The following COL11A2 variants were observed in gnomAD, a reference collection of about 807,000 sequenced individuals.
COL11A2 encodes the protein collagen alpha-2(XI) chain.
In COL11A2, 116 loss-of-function variants were observed where a neutral mutation model predicts 273.4. The ratio of observed to expected loss-of-function variants is 0.42; its 90% confidence interval spans 0.36 to 0.49. The LOEUF (loss-of-function observed/expected upper bound fraction) is 0.49. Among genes scored for constraint, COL11A2 ranks in the 20% least tolerant of loss-of-function variants. The pLI, the probability that COL11A2 is intolerant of heterozygous loss-of-function variation, is 0.00. For missense variants in COL11A2, 1,866 were observed against 2,309.0 expected, an observed-to-expected ratio of 0.81 and a Z score of 3.93; for synonymous variants, 782 against 864.2, an observed-to-expected ratio of 0.90 and a Z score of 1.67.
rs2744512 is a variant in COL11A2 at position 33,174,143 on chromosome 6, G to A, written c.2484+22C>T. ...ACCTCTCCAGCCCTTCCCTTCTCAC[G>A]CCCTCCCACCCCCCAGCTTACCCGG... On this transcript the variant is annotated intron_variant, in intron 32 of 65. Transcript: ENST00000341947. 2 of 1,598,164 alleles carry A rather than the reference G, an allele frequency of 1.3e-6. No homozygotes were observed. The highest frequency in any genetic ancestry group is 8.5e-7 in the Non-Finnish European group (1 of 1,172,562).
rs754766796 is a variant in COL11A2, at chr6:33,192,199, T to TAGG, written c.39_41dup (p.Leu14dup). On this transcript the variant is annotated inframe_insertion, in exon 1 of 66. Transcript: ENST00000341947. Reference sequence around the variant, plus strand: ...CCGCGCTCAGCCCCAGCACCAGAGGTAGGAGGAGGAGGAGGCGATGGCAGC... The same window carrying TAGG: ...CCGCGCTCAGCCCCAGCACCAGAGGTAGGAGGAGGAGGAGGAGGCGATGGCAGC... 1.3e-6 allele frequency: 2 copies of TAGG among 1,565,824 alleles called. No individual in the cohort carries two copies. Among genetic ancestry groups the TAGG allele is most frequent in the Non-Finnish European group, 1.7e-6 (2 of 1,155,408 alleles).
rs756974121 is a variant in COL11A2 at position 33,177,506 on chromosome 6, G to A, written c.1918-41C>T. ...CAGGCACAGGTCAGAAGGAGATGGA[G>A]ATAGAACACATTTAGAGCATGGAGC... On this transcript the variant is annotated intron_variant, in intron 22 of 65. Transcript: ENST00000341947. The surrounding 1 kb of genome is among the most constrained non-coding windows in gnomAD (Gnocchi z 5.9). The A allele has an allele frequency of 4.4e-6, 7 of 1,607,254 alleles. No homozygotes were observed. Among genetic ancestry groups the A allele is most frequent in the African/African-American group, 1.3e-5 (1 of 74,948 alleles).
At chr6:33,186,596 C>T in intron 5 of COL11A2, 31 bp downstream of exon 5, 2 of 1,614,114 alleles carry the variant, frequency 1.2e-6, no homozygotes, top group South Asian at 1.1e-5. Context: ...CTGGGGTGTG[C>T]TGCACTTGGG....
chr6:33,180,389 T>A, intron 11 of COL11A2, 57 bp from the exon 12 acceptor site: 1 of 1,422,982 alleles, frequency 7.0e-7, no homozygotes. Flanking sequence ...CATCAAGATC[T>A]TAGCATGATT....
At position 33,169,768 on chromosome 6, in the gene COL11A2, G is replaced by A; in HGVS notation, c.3690+63C>T. ...CCAGCTCAAGGAGGTCACAGGAAAA[G>A]TGGAGGCAGGGTTGAGGCGGGTGAC... On this transcript the variant is annotated intron_variant, in intron 50 of 65. Coordinates refer to ENST00000341947, the MANE Select transcript of COL11A2 (RefSeq NM_080680.3). The surrounding 1 kb of genome is among the most constrained non-coding windows in gnomAD (Gnocchi z 5.5). 6.3e-7 allele frequency: 1 copy of A among 1,599,542 alleles called. No homozygotes were observed. The highest frequency in any genetic ancestry group is 2.2e-5 in the East Asian group (1 of 44,810).
intron 30 of COL11A2, 45 bp from the exon 31 acceptor site, chr6:33,174,625 T>C (rs1770647423): frequency 6.3e-7 from 1 of 1,593,740 alleles, no homozygotes; most frequent in East Asian, 2.2e-5. Context: ...GAGGCCCAGA[T>C]GCCACTCCAC....
In COL11A2 at chr6:33,167,648, C is replaced by T. The variant is rs1769363283; in HGVS notation, c.4015-115G>A. 1.4e-6 allele frequency: 2 copies of T among 1,457,490 alleles called. No individual in the cohort carries two copies. Among genetic ancestry groups the T allele is most frequent in the East Asian group, 2.4e-5 (1 of 42,340 alleles). The allele number at this position is 1,457,490 out of a possible 1,614,324, so 90.3% of individuals were successfully genotyped here. ...GGGAGGAAGGGCCAAACTCTAGGAGCCCCTAGCGCAGGAACAAGTACAGGG... is the reference window on the plus strand; with the variant it reads ...GGGAGGAAGGGCCAAACTCTAGGAGTCCCTAGCGCAGGAACAAGTACAGGG... On this transcript the variant is annotated intron_variant, in intron 55 of 65. Coordinates refer to ENST00000341947, the MANE Select transcript of COL11A2 (RefSeq NM_080680.3). This position sits in a 1 kb window ranked among gnomAD's most constrained non-coding sequence, Gnocchi z 6.1.
chr6:33,173,917 C>G lies in COL11A2; in HGVS notation c.2539G>C (p.Gly847Arg). The change falls in exon 34 of 66, where the codon GGT (glycine) becomes CGT (arginine). Residue 847 changes from glycine (G) to arginine (R), a missense_variant. Physicochemically the swap from Gly to Arg is moderately radical, Grantham distance 125. Transcript: ENST00000341947. The surrounding 1 kb of genome is among the most constrained non-coding windows in gnomAD (Gnocchi z 6.3). ...RGERGPTGPR[G>R]QRGPRGATGK... ...GTGGCACCTCGGGGTCCCCGCTGAC[C>G]CCGTGGACCCTACAGAGGGAAGAGG... 6.2e-7 allele frequency: 1 copy of G among 1,614,074 alleles called. No individual in the cohort carries two copies. Among genetic ancestry groups the G allele is most frequent in the East Asian group, 2.2e-5 (1 of 44,870 alleles).
At position 33,173,175 on chromosome 6, in the gene COL11A2, C is replaced by T; in HGVS notation, c.2737-62G>A. Reference sequence around the variant, plus strand: ...GTGTGGGCGCTGTGGGGCAGATTCCCAGGAGGAAGGATCCCAGGCAGGATC... The same window carrying T: ...GTGTGGGCGCTGTGGGGCAGATTCCTAGGAGGAAGGATCCCAGGCAGGATC... On this transcript the variant is annotated intron_variant, in intron 37 of 65. Transcript: ENST00000341947. This position sits in a 1 kb window ranked among gnomAD's most constrained non-coding sequence, Gnocchi z 6.3. 2 of 1,573,246 alleles carry T rather than the reference C, an allele frequency of 1.3e-6. No homozygotes were observed. Among genetic ancestry groups the T allele is most frequent in the Non-Finnish European group, 1.7e-6 (2 of 1,155,222 alleles).
rs765142445 is a variant in COL11A2 at position 33,169,876 on chromosome 6, T to C, written c.3645A>G (p.Pro1215=). 1.2e-6 allele frequency: 2 copies of C among 1,614,144 alleles called. No homozygotes were observed. Among genetic ancestry groups the C allele is most frequent in the East Asian group, 4.5e-5 (2 of 44,876 alleles). ...GGATCCCTGGAGATCCTGACTCTCC[T>C]GGTTCCCCCTGCAAAGAGATTAGAG... is the stretch of plus-strand genomic sequence containing the variant. ...NLGPPGEKGE[P]GESGSPGIQG... Residue 1215 remains proline, a synonymous_variant, in exon 50 of 66, where the codon CCA becomes CCG. Transcript: ENST00000341947. The surrounding 1 kb of genome is among the most constrained non-coding windows in gnomAD (Gnocchi z 5.5).
At position 33,166,673 on chromosome 6, in the gene COL11A2, C is replaced by A. The variant is rs1363175618; in HGVS notation, c.4338+47G>T. On this transcript the variant is annotated intron_variant, in intron 59 of 65. Coordinates refer to ENST00000341947, the MANE Select transcript of COL11A2 (RefSeq NM_080680.3). This position sits in a 1 kb window ranked among gnomAD's most constrained non-coding sequence, Gnocchi z 4.8. ...CCAACTCCAACTCCACCCCTCTCCA[C>A]CCCACTCTCAACCCCCACAACTTCC... 6.2e-7 allele frequency: 1 copy of A among 1,611,954 alleles called. No individual in the cohort carries two copies. Among genetic ancestry groups the A allele is most frequent in the Admixed American group, 1.7e-5 (1 of 60,004 alleles).
In COL11A2 at chr6:33,166,143, A is replaced by C; in HGVS notation, c.4428+28T>G. On this transcript the variant is annotated intron_variant, in intron 61 of 65. Transcript: ENST00000341947. The surrounding 1 kb of genome is among the most constrained non-coding windows in gnomAD (Gnocchi z 4.8). ...CATCAAGTCCAGAGGGGGTGGAGCA[A>C]AGGTCAGAGCTGAAGGGGGTCACTC... is the stretch of plus-strand genomic sequence containing the variant. 1 of 1,608,316 alleles carries C rather than the reference A, an allele frequency of 6.2e-7. No homozygotes were observed. Among genetic ancestry groups the C allele is most frequent in the Non-Finnish European group, 8.5e-7 (1 of 1,177,684 alleles).
rs943283659 is a variant in COL11A2, at chr6:33,163,583, T to C, written c.*95A>G. Reference sequence around the variant, plus strand: ...ACGCCCTGGCCCAGGGCTCCCTAGATAGTGAGGAGCCCTCTTGGGAGGTGG... The same window carrying C: ...ACGCCCTGGCCCAGGGCTCCCTAGACAGTGAGGAGCCCTCTTGGGAGGTGG... On this transcript the variant is annotated 3_prime_UTR_variant, in exon 66 of 66. Coordinates refer to ENST00000341947, the MANE Select transcript of COL11A2 (RefSeq NM_080680.3). The surrounding 1 kb of genome is among the most constrained non-coding windows in gnomAD (Gnocchi z 4.1). 32 of 1,576,026 alleles carry C rather than the reference T, an allele frequency of 2.0e-5. No individual in the cohort carries two copies. Among genetic ancestry groups the C allele is most frequent in the African/African-American group, 2.7e-5 (2 of 74,140 alleles).
Position 33,179,786 on chromosome 6 carries a change from C to T in COL11A2, c.1379G>A (p.Gly460Glu). 6.2e-7 allele frequency: 1 copy of T among 1,611,682 alleles called. No homozygotes were observed. The highest frequency in any genetic ancestry group is 8.5e-7 in the Non-Finnish European group (1 of 1,180,004). The change falls in exon 13 of 66, where the codon GGG becomes GAG. Residue 460 changes from glycine to glutamate, a missense_variant. Transcript: ENST00000341947. The surrounding 1 kb of genome is among the most constrained non-coding windows in gnomAD (Gnocchi z 6.4). ...LMLPFRFGSG[G>E]GDKGPVVAAQ... ...CGCCACCACAGGGCCCTTGTCACCC[C>T]CACCACTGCCAAACCGGAACTGAGG...
chr6:33,178,566 A>T lies in COL11A2; in HGVS notation c.1720-78T>A. On this transcript the variant is annotated intron_variant, in intron 18 of 65. Transcript: ENST00000341947. This position sits in a 1 kb window ranked among gnomAD's most constrained non-coding sequence, Gnocchi z 4.6. The stretch of plus-strand genomic sequence containing the variant: ...GACACCGAACCTCTGCACTTAGCCC[A>T]TCCATTACTTTCACTGAGCTCCTGC... The T allele has an allele frequency of 3.7e-6, 6 of 1,608,260 alleles. No homozygotes were observed. Among genetic ancestry groups the T allele is most frequent in the Non-Finnish European group, 4.3e-6 (5 of 1,176,024 alleles).
Position 33,181,013 on chromosome 6 carries a change from G to A in COL11A2, c.1180-8C>T. 1.2e-6 allele frequency: 2 copies of A among 1,614,168 alleles called. No individual in the cohort carries two copies. The highest frequency in any genetic ancestry group is 1.7e-6 in the Non-Finnish European group (2 of 1,180,026). On this transcript the variant is annotated splice_polypyrimidine_tract_variant and splice_region_variant and intron_variant, in intron 9 of 65. Coordinates refer to ENST00000341947, the MANE Select transcript of COL11A2 (RefSeq NM_080680.3). ...CCCCTCCACGAGCATACCCTGTGGA[G>A]TCAAAGGTTAAAAATCAGAGGCGAC... is the stretch of plus-strand genomic sequence containing the variant.
rs1770563308 is a variant in COL11A2, at chr6:33,174,169, G to C, written c.2480C>G (p.Ala827Gly). ...GFPGASGEKG[A>G]RGLSGKSGPR... ...CCCTCCCACCCCCCAGCTTACCCGG[G>C]CTCCCTTCTCTCCACTGGCACCAGG... The change falls in exon 32 of 66, where the codon GCC (alanine) becomes GGC (glycine). Residue 827 changes from alanine (A) to glycine (G), a missense_variant. Coordinates refer to ENST00000341947, the MANE Select transcript of COL11A2 (RefSeq NM_080680.3). 3.8e-6 allele frequency: 6 copies of C among 1,586,344 alleles called. No individual in the cohort carries two copies.
In COL11A2 at chr6:33,181,126, A is replaced by T; in HGVS notation, c.1164T>A (p.Pro388=). ...PRGLKGEKGE[P]AVLEPGMLVE... is the part of the protein sequence containing the mutation. ...CATAACTTACAGGTTCCAACACTGC[A>T]GGCTCTCCTTTCTCTCCCTTCAGCC... is the stretch of plus-strand genomic sequence containing the variant. Residue 388 remains proline, a synonymous_variant, in exon 9 of 66, where the codon CCT becomes CCA. Transcript: ENST00000341947. The T allele has an allele frequency of 6.2e-7, 1 of 1,614,132 alleles. No individual in the cohort carries two copies. The highest frequency in any genetic ancestry group is 8.5e-7 in the Non-Finnish European group (1 of 1,180,002).
At chr6:33,186,856 G>A (rs766633171) in intron 4 of COL11A2, 38 bp from the exon 5 acceptor site, 1 of 1,612,354 alleles carries the variant, frequency 6.2e-7, no homozygotes, top group Non-Finnish European at 8.5e-7. Context: ...GAGAGATTCA[G>A]AGAGAGGCAG....
Sources: gnomAD v4.1 joint callset for allele counts on GRCh38, gnomAD v4.1.1 for gene constraint, Gnocchi (gnomAD v3.1) non-coding constraint, MANE v1.5 for transcripts, NCBI Gene and HGNC (gene_info 2026-07-23, HGNC 2026-07-21) for gene names.